The following SDK1 variants were observed in gnomAD, a reference collection of about 807,000 sequenced individuals.
SDK1 encodes the protein sidekick cell adhesion molecule 1, also known as protein sidekick-1.
Under a neutral mutation model 245.5 loss-of-function variants are expected in SDK1, and 157 were observed. The observed-to-expected ratio is 0.64, with a 90% CI of 0.56 to 0.73. SDK1 has a LOEUF of 0.73. Ranked by LOEUF, SDK1 falls within the 30% of genes least tolerant of loss-of-function variation. The probability of loss-of-function intolerance (pLI) is 0.00; values close to 1 mark genes in which losing one functional copy is unlikely to be tolerated. For missense variants in SDK1, 3,583 were observed against 3,002.3 expected, an observed-to-expected ratio of 1.19 and a Z score of -4.52; for synonymous variants, 1,647 against 1,278.5, an observed-to-expected ratio of 1.29 and a Z score of -6.15.
chr7:4,222,020 C>G (rs1354628077), intron 40 of SDK1, among the ~76,000 whole-genome samples: 1 of 152,152 alleles, frequency 6.6e-6, no homozygotes, highest in Non-Finnish European at 1.5e-5. Flanking sequence ...TCCAATATGA[C>G]CTTCAGATGG....
At chr7:3,863,050 C>A (rs1292099332) in intron 5 of SDK1, among the ~76,000 whole-genome samples, 1 of 152,176 alleles carries the variant, frequency 6.6e-6, no homozygotes, top group Admixed American at 6.5e-5. Context: ...AGGCCTGGAA[C>A]CCATACCAGT....
intron 4 of SDK1, among the ~76,000 whole-genome samples, chr7:3,704,018 C>G (rs981678299): frequency 3.3e-5 from 5 of 152,136 alleles, no homozygotes; most frequent in African/African-American, 1.2e-4. Context: ...GAGTATTGTA[C>G]ATTGCACCCA....
rs1032184647 is a variant in SDK1, at chr7:4,130,231, C to G, written c.4129+134C>G. On this transcript the variant is annotated intron_variant, in intron 27 of 44. Coordinates refer to ENST00000404826, the MANE Select transcript of SDK1 (RefSeq NM_152744.4). ...TCTTTTGCAGTTGAGGGAAACAAAA[C>G]AAAATTGTTTTTCAGTCACTGAGCA... is the stretch of plus-strand genomic sequence containing the variant. 2.8e-6 allele frequency: 3 copies of G among 1,062,536 alleles called. No individual in the cohort carries two copies. In the Admixed American group the frequency reaches 9.0e-5, roughly 32 times the overall value. 65.8% of individuals were successfully genotyped at this position (1,062,536 alleles called of 1,614,324 possible). A position where few individuals can be genotyped will look rare whatever the true frequency, so the allele number is the denominator to read the frequency against.
At chr7:4,227,441 A>T (rs746362461) in intron 40 of SDK1, 20 of 470,744 alleles carry the variant, frequency 4.2e-5, no homozygotes, top group South Asian at 2.9e-4. Context: ...TCTTTTTTTT[A>T]AATCAGATGT....
intron 4 of SDK1, among the ~76,000 whole-genome samples, chr7:3,702,588 C>T (rs7804446): frequency 0.024 from 3,724 of 152,310 alleles, 152 homozygotes; most frequent in African/African-American, 0.085. Context: ...TTTTCTCGTA[C>T]ACTGACTCCA....
chr7:4,192,095 A>G (rs1390126840), intron 35 of SDK1, among the ~76,000 whole-genome samples: 2 of 152,172 alleles, frequency 1.3e-5, no homozygotes, highest in East Asian at 3.9e-4. Flanking sequence ...GCATACACAG[A>G]AGGAGACAGA....
intron 1 of SDK1, among the ~76,000 whole-genome samples, chr7:3,437,688 T>G (rs6462083): frequency 0.74 from 113,025 of 152,112 alleles, 42,754 homozygotes; most frequent in African/African-American, 0.9. Flanking sequence ...GTTTCAGGTT[T>G]CAGTGAGCTG....
chr7:3,936,262 G>A (rs569299268), intron 5 of SDK1, among the ~76,000 whole-genome samples: 2 of 152,170 alleles, frequency 1.3e-5, no homozygotes, highest in East Asian at 3.9e-4. Flanking sequence ...TGTTTAATGG[G>A]GTGCAGAGTT....
chr7:3,627,737 T>A (rs537197532), intron 2 of SDK1, among the ~76,000 whole-genome samples: 130 of 152,292 alleles, frequency 8.5e-4, no homozygotes, highest in African/African-American at 3.1e-3. Context: ...ATTTTATTAG[T>A]TGAGAAGAAA....
intron 1 of SDK1, among the ~76,000 whole-genome samples, chr7:3,584,532 T>G (rs1780617967): frequency 6.6e-6 from 1 of 152,092 alleles, no homozygotes; most frequent in Admixed American, 6.5e-5. Flanking sequence ...GAGTTGAACC[T>G]TTATCAATGG....
intron 1 of SDK1, among the ~76,000 whole-genome samples, chr7:3,444,411 T>TAGGA (rs1780286480): frequency 6.6e-6 from 1 of 152,244 alleles, no homozygotes; most frequent in East Asian, 1.9e-4. Context: ...TTTGTATTTC[T>TAGGA]GTGTTTAGGA....
At chr7:3,407,600 T>C (rs189168912) in intron 1 of SDK1, among the ~76,000 whole-genome samples, 53 of 152,306 alleles carry the variant, frequency 3.5e-4, no homozygotes, top group Non-Finnish European at 6.9e-4. Flanking sequence ...TTTAAGAAAT[T>C]AGACGTATTT....
chr7:3,998,608 T>G (rs1784849417), intron 14 of SDK1, among the ~76,000 whole-genome samples: 2 of 152,220 alleles, frequency 1.3e-5, no homozygotes, highest in African/African-American at 4.8e-5. Context: ...GCTGATGCTC[T>G]GAGGGACGTG....
intron 5 of SDK1, among the ~76,000 whole-genome samples, chr7:3,878,061 C>A (rs1382817415): frequency 3.3e-5 from 5 of 152,204 alleles, no homozygotes; most frequent in Admixed American, 3.3e-4. Context: ...TGTACATACT[C>A]CCATTAAAGC....
intron 1 of SDK1, among the ~76,000 whole-genome samples, chr7:3,352,132 A>G (rs1376399092): frequency 2.0e-5 from 3 of 148,874 alleles, no homozygotes; most frequent in African/African-American, 4.9e-5. Context: ...ATATAATTTT[A>G]TAAATATATA....
intron 5 of SDK1, among the ~76,000 whole-genome samples, chr7:3,830,773 A>T (rs1779894780): frequency 6.6e-6 from 1 of 152,180 alleles, no homozygotes; most frequent in African/African-American, 2.4e-5. Flanking sequence ...CTGGGATTAC[A>T]AGAGTGAGCC....
chr7:4,005,859 C>T (rs1030741605), intron 14 of SDK1, among the ~76,000 whole-genome samples: 3 of 152,058 alleles, frequency 2.0e-5, no homozygotes, highest in South Asian at 2.1e-4. Context: ...GGCGAAATCC[C>T]GTCTCTACAA....
Position 3,961,864 on chromosome 7 carries a change from GAC to G in SDK1, c.1235-787_1235-786del, listed in dbSNP as rs796775267. On this transcript the variant is annotated intron_variant, in intron 8 of 44. Transcript: ENST00000404826. ...GCACATATATGCACCACCTCACACA[GAC>G]ACACATAGAAACACATGTACACATA... Among the ~76,000 whole-genome samples the G allele has an allele frequency of 2.4e-3, 355 of 150,524 alleles. 1 individual carries two copies. Among genetic ancestry groups the G allele is most frequent in the African/African-American group, 8.2e-3 (330 of 40,026 alleles).
chr7:3,475,459 G>T (rs1459056480), intron 1 of SDK1, among the ~76,000 whole-genome samples: 1 of 152,218 alleles, frequency 6.6e-6, no homozygotes, highest in Non-Finnish European at 1.5e-5. Flanking sequence ...CTCTCACTTG[G>T]TGCTGCGATG....
Sources: allele counts gnomAD v4.1 joint callset (sites outside exome capture counted in the v4.1 genomes callset), GRCh38; gene constraint gnomAD v4.1.1; transcripts MANE v1.5; gene names NCBI Gene and HGNC (gene_info 2026-07-23, HGNC 2026-07-21).